Variants in RPL26 observed in about 807,000 individuals in gnomAD.
RPL26 encodes the protein large ribosomal subunit protein uL24.
In RPL26, 1 loss-of-function variant was observed where a neutral mutation model predicts 16.2. That is an observed-to-expected ratio of 0.06 (90% CI 0.02 to 0.29). The LOEUF is 0.29. RPL26 is among the 10% of genes least tolerant of loss of function. RPL26 has a pLI of 1.00. For synonymous variants in RPL26, 55 were observed against 62.4 expected (o/e 0.88, Z 0.56); for missense variants, 102 against 184.3 (o/e 0.55, Z 2.58).
Position 8,383,140 on chromosome 17 carries a change from G to A in RPL26, c.-6+17C>T, listed in dbSNP as rs141150231. ...GGATGGCTGCTGATTACACCCGCTTGCCCGCCGAATCCTTACCCGCTCCCG... is the reference window on the plus strand; with the variant it reads ...GGATGGCTGCTGATTACACCCGCTTACCCGCCGAATCCTTACCCGCTCCCG... On this transcript the variant is annotated intron_variant, in intron 1 of 3. Transcript: ENST00000648839. The A allele has an allele frequency of 2.0e-5, 8 of 398,544 alleles. No individual in the cohort carries two copies. The highest frequency in any genetic ancestry group is 3.1e-5 in the Non-Finnish European group (7 of 226,110). 24.7% of individuals were successfully genotyped at this position (398,544 alleles called of 1,614,324 possible).
chr17:8,382,558 AC>A, intron 1 of RPL26: 1 of 450,306 alleles, frequency 2.2e-6, no homozygotes, highest in Non-Finnish European at 4.0e-6. Context: ...CATCAAAAAC[AC>A]TTGTCCTAGT....
At chr17:8,378,473 C>T (rs1907258234) in intron 3 of RPL26, among the ~76,000 whole-genome samples, 1 of 152,016 alleles carries the variant, frequency 6.6e-6, no homozygotes, top group Non-Finnish European at 1.5e-5. Context: ...GGCTGGGCGA[C>T]AAGAGCAAAA....
At chr17:8,382,109 C>T (rs905055616) in intron 2 of RPL26, 34 bp downstream of exon 2, 34 of 1,580,094 alleles carry the variant, frequency 2.2e-5, no homozygotes, top group African/African-American at 4.0e-5. Context: ...GTAAAATATC[C>T]ATCAAGACAA....
intron 3 of RPL26, among the ~76,000 whole-genome samples, chr17:8,378,990 T>G (rs537371393): frequency 6.6e-6 from 1 of 152,308 alleles, no homozygotes; most frequent in Non-Finnish European, 1.5e-5. Context: ...TTCATAGATG[T>G]GTTTCTCAAA....
chr17:8,382,532 G>T, intron 1 of RPL26: 1 of 490,950 alleles, frequency 2.0e-6, no homozygotes, highest in Non-Finnish European at 3.6e-6. Context: ...ATATGTTTAC[G>T]GACTAAAGAC....
chr17:8,380,049 A>C (rs1482246833), intron 2 of RPL26, 113 bp from the exon 3 acceptor site: 8 of 904,532 alleles, frequency 8.8e-6, no homozygotes, highest in African/African-American at 1.7e-5. Context: ...AAAGGTTAAA[A>C]AAAAGAGCCC....
At chr17:8,381,181 G>A (rs188175083) in intron 2 of RPL26, 25 of 151,960 alleles carry the variant, frequency 1.6e-4, no homozygotes, top group African/African-American at 5.8e-4. Context: ...GATACGACCT[G>A]TCAACACGCC....
At chr17:8,378,524 AATAAT>A (rs1334665070) in intron 3 of RPL26, among the ~76,000 whole-genome samples, 1 of 144,018 alleles carries the variant, frequency 6.9e-6, no homozygotes, top group Non-Finnish European at 1.6e-5. Context: ...CAAACAGAAA[AATAAT>A]AAAGTAACTT....
At chr17:8,380,627 G>A (rs1907367493) in intron 2 of RPL26, 1 of 152,216 alleles carries the variant, frequency 6.6e-6, no homozygotes, top group Non-Finnish European at 1.5e-5. Flanking sequence ...TTCAGTTACA[G>A]CTCCTGAATC....
At chr17:8,378,817 T>TA (rs1217323149) in intron 3 of RPL26, among the ~76,000 whole-genome samples, 2 of 152,220 alleles carry the variant, frequency 1.3e-5, no homozygotes, top group African/African-American at 4.8e-5. Flanking sequence ...ATCACTTTGA[T>TA]AGAGTAAGAA....
Position 8,379,601 on chromosome 17 carries a change from G to A in RPL26, c.309+195C>T, listed in dbSNP as rs558450816. Reference sequence around the variant, plus strand: ...ACAAACTAACAGAAACATAATGACCGTTAACACTTTGATGTCAGAAACATT... The same window carrying A: ...ACAAACTAACAGAAACATAATGACCATTAACACTTTGATGTCAGAAACATT... On this transcript the variant is annotated intron_variant, in intron 3 of 3. Coordinates refer to ENST00000648839, the MANE Select transcript of RPL26 (RefSeq NM_000987.5). 56 of 597,798 alleles carry A rather than the reference G, an allele frequency of 9.4e-5. No individual in the cohort carries two copies. In the Middle Eastern group the frequency reaches 1.3e-3, roughly 14 times the overall value. 37.0% of individuals were successfully genotyped at this position (597,798 alleles called of 1,614,324 possible). A position where few individuals can be genotyped will look rare whatever the true frequency, so the allele number is the denominator to read the frequency against.
intron 1 of RPL26, 175 bp from the exon 2 acceptor site, chr17:8,382,490 T>C: frequency 3.5e-6 from 2 of 564,550 alleles, no homozygotes; most frequent in Non-Finnish European, 6.3e-6. Flanking sequence ...CTCGAAACTT[T>C]TTATTTTTTG....
chr17:8,380,315 T>C (rs574321768), intron 2 of RPL26, among the ~76,000 whole-genome samples: 6 of 152,330 alleles, frequency 3.9e-5, no homozygotes, highest in East Asian at 3.9e-4. Context: ...CTTTCTTGCA[T>C]TGGTATGTAT....
intron 2 of RPL26, chr17:8,381,351 C>G (rs1907400564): frequency 6.6e-6 from 1 of 152,212 alleles, no homozygotes; most frequent in Non-Finnish European, 1.5e-5. Context: ...TAAATCGGCT[C>G]TATCTGGACA....
At chr17:8,379,745 A>C in intron 3 of RPL26, 51 bp downstream of exon 3, 1 of 1,556,808 alleles carries the variant, frequency 6.4e-7, no homozygotes, top group Non-Finnish European at 8.8e-7. Context: ...CAATCATGTC[A>C]ACAATAATTG....
intron 2 of RPL26, 93 bp from the exon 3 acceptor site, chr17:8,380,029 C>T: frequency 2.9e-6 from 3 of 1,034,376 alleles, no homozygotes; most frequent in African/African-American, 1.6e-5. Context: ...TTCACCCTAT[C>T]ATTATATTAA....
chr17:8,381,151 C>T (rs1480752614), intron 2 of RPL26: 2 of 152,082 alleles, frequency 1.3e-5, no homozygotes. Context: ...ACAGCTTCAA[C>T]TCCCTATGCC....
chr17:8,378,188 G>C (rs1907240300), intron 3 of RPL26, among the ~76,000 whole-genome samples: 1 of 152,188 alleles, frequency 6.6e-6, no homozygotes, highest in African/African-American at 2.4e-5. Context: ...AAAATTAGCT[G>C]GGTATGGTGG....
chr17:8,378,231 T>C (rs1258960956), intron 3 of RPL26, among the ~76,000 whole-genome samples: 2 of 150,082 alleles, frequency 1.3e-5, no homozygotes, highest in Non-Finnish European at 3.0e-5. Context: ...CCTGGGAGGC[T>C]GAGGCAGGAG....
Sources: allele counts gnomAD v4.1 joint callset (sites outside exome capture counted in the v4.1 genomes callset), GRCh38; gene constraint gnomAD v4.1.1; transcripts MANE v1.5; gene names NCBI Gene and HGNC (gene_info 2026-07-23, HGNC 2026-07-21).